Variants in CEP85L observed in about 807,000 individuals in gnomAD.
CEP85L encodes centrosomal protein 85L, also known as centrosomal protein of 85 kDa-like.
Under a neutral mutation model 100.3 loss-of-function variants are expected in CEP85L, and 60 were observed. The ratio of observed to expected loss-of-function variants is 0.60; its 90% CI spans 0.49 to 0.74. CEP85L has a LOEUF of 0.74. Ranked by LOEUF, CEP85L falls within the 30% of genes least tolerant of loss-of-function variation. The pLI is 0.00. For synonymous variants in CEP85L, 319 were observed against 322.7 expected (o/e 0.99, Z 0.12); for missense variants, 973 against 936.2 (o/e 1.04, Z -0.51).
At chr6:118,526,101 T>G (rs1245886152) in intron 3 of CEP85L, among the ~76,000 whole-genome samples, 1 of 152,170 alleles carries the variant, frequency 6.6e-6, no homozygotes, top group African/African-American at 2.4e-5. Flanking sequence ...GGGAAGATAT[T>G]TCAAAAGTGA....
At chr6:118,702,947 G>C (rs1230599946) in intron 1 of CEP85L, among the ~76,000 whole-genome samples, 1 of 143,820 alleles carries the variant, frequency 7.0e-6, no homozygotes, top group Non-Finnish European at 1.5e-5. Context: ...AGTGAGCCGA[G>C]ATGGCTCCAT....
intron 6 of CEP85L, among the ~76,000 whole-genome samples, chr6:118,484,651 A>G (rs1774042203): frequency 6.6e-6 from 1 of 152,256 alleles, no homozygotes; most frequent in African/African-American, 2.4e-5. Flanking sequence ...CTTTGAAATC[A>G]GTGAAGTATT....
intron 1 of CEP85L, among the ~76,000 whole-genome samples, chr6:118,692,006 T>A (rs1200081152): frequency 2.6e-5 from 4 of 152,118 alleles, no homozygotes; most frequent in Non-Finnish European, 5.9e-5. Flanking sequence ...TCCATGAAGC[T>A]TGTCGTTATT....
chr6:118,504,224 A>G lies in CEP85L; in HGVS notation c.1257+7074T>C, dbSNP rs986941858. On this transcript the variant is annotated intron_variant, in intron 5 of 12. Transcript: ENST00000368491. ...CCCTGTCTCTCACTAAAAATACAAA[A>G]ATTAGCTGGGTGTGGTGGTTTATGC... Among the ~76,000 whole-genome samples, 8 of 152,122 alleles carry G rather than the reference A, an allele frequency of 5.3e-5. No individual in the cohort carries two copies. In the East Asian group the frequency reaches 1.5e-3, roughly 29 times the overall value.
intron 3 of CEP85L, among the ~76,000 whole-genome samples, chr6:118,526,767 C>T (rs912254003): frequency 6.6e-6 from 1 of 152,166 alleles, no homozygotes; most frequent in African/African-American, 2.4e-5. Flanking sequence ...AAGTAAACTC[C>T]CACCAGTGCC....
At chr6:118,554,182 G>A (rs995855732) in intron 3 of CEP85L, among the ~76,000 whole-genome samples, 1 of 152,126 alleles carries the variant, frequency 6.6e-6, no homozygotes, top group Non-Finnish European at 1.5e-5. Context: ...CAGCTACTCA[G>A]GAGGCTGAGG....
chr6:118,707,188 T>G (rs1043467190), intron 1 of CEP85L, among the ~76,000 whole-genome samples: 3 of 111,760 alleles, frequency 2.7e-5, no homozygotes, highest in African/African-American at 1.0e-4. Context: ...CCTCCTCATC[T>G]GCTTTTTTTT....
At chr6:118,585,331 T>C (rs902322999) in intron 2 of CEP85L, among the ~76,000 whole-genome samples, 3 of 152,190 alleles carry the variant, frequency 2.0e-5, no homozygotes, top group Non-Finnish European at 4.4e-5. Flanking sequence ...CTCCAGGAAA[T>C]TAACAGGTTA....
rs1274503686 is a variant in CEP85L, at chr6:118,463,920, G to A, written c.*1485C>T. The A allele has an allele frequency of 6.6e-6, 1 of 152,102 alleles. No homozygotes were observed. The allele number at this position is 152,102 out of a possible 1,614,324, so 9.4% of individuals were successfully genotyped here. Reference sequence around the variant, plus strand: ...TTTAAGAAAAATCTTTCCTAGGAGAGCCTTTATTCTAGTATATAAGAAAAC... The same window carrying A: ...TTTAAGAAAAATCTTTCCTAGGAGAACCTTTATTCTAGTATATAAGAAAAC... On this transcript the variant is annotated 3_prime_UTR_variant, in exon 13 of 13. Transcript: ENST00000368491.
chr6:118,673,690 A>G (rs1400434807), intron 1 of CEP85L, among the ~76,000 whole-genome samples: 2 of 152,352 alleles, frequency 1.3e-5, no homozygotes, highest in South Asian at 4.1e-4. Context: ...GACTGTATCT[A>G]ATATTTCAAC....
chr6:118,640,391 T>G (rs1774784777), intron 1 of CEP85L, among the ~76,000 whole-genome samples: 1 of 152,214 alleles, frequency 6.6e-6, no homozygotes, highest in Non-Finnish European at 1.5e-5. Context: ...TTCTACCTCT[T>G]ATTAGCAGTA....
At position 118,625,377 on chromosome 6, in the gene CEP85L, C is replaced by G. The variant is rs9489478; in HGVS notation, c.232+7076G>C. 2.0e-5 allele frequency among the ~76,000 whole-genome samples: 3 copies of G among 151,794 alleles called. No homozygotes were observed. In the East Asian group the frequency reaches 5.8e-4, roughly 29 times the overall value. On this transcript the variant is annotated intron_variant, in intron 2 of 12. Coordinates refer to ENST00000368491, the MANE Select transcript of CEP85L (RefSeq NM_001042475.3). ...TCCTTATACCCCAGTCCCGCCACGC[C>G]CGAGCGCCTATTCTCCCTTTTATGG...
intron 10 of CEP85L, among the ~76,000 whole-genome samples, chr6:118,476,359 GA>G (rs1056396628): frequency 1.1e-4 from 17 of 151,362 alleles, no homozygotes; most frequent in African/African-American, 3.6e-4. Context: ...ATTAACTTCT[GA>G]TAAGAATACT....
intron 1 of CEP85L, among the ~76,000 whole-genome samples, chr6:118,638,525 G>A (rs1036973857): frequency 6.7e-6 from 1 of 149,774 alleles, no homozygotes; most frequent in African/African-American, 2.5e-5. Flanking sequence ...TCACAGAATA[G>A]TTACAAGACT....
chr6:118,545,774 A>G (rs1016684682), intron 3 of CEP85L, among the ~76,000 whole-genome samples: 1 of 152,224 alleles, frequency 6.6e-6, no homozygotes, highest in Non-Finnish European at 1.5e-5. Context: ...TTTACCCTTA[A>G]GAATCCACCT....
At chr6:118,651,605 C>T, upstream of CEP85L, 2 of 1,034,626 alleles carry the variant, frequency 1.9e-6, no homozygotes, top group East Asian at 7.8e-5. Context: ...CCCCCTCCGC[C>T]GGCAGAGCCA....
At position 118,579,866 on chromosome 6, in the gene CEP85L, C is replaced by A. The variant is rs139883295; in HGVS notation, c.233-13550G>T. 6.6e-4 allele frequency among the ~76,000 whole-genome samples: 100 copies of A among 152,330 alleles called. 1 individual carries two copies. In the South Asian group the frequency reaches 9.9e-3, roughly 15 times the overall value. On this transcript the variant is annotated intron_variant, in intron 2 of 12. Transcript: ENST00000368491. The stretch of plus-strand genomic sequence containing the variant: ...CCAGCAAGCTTTGATATGCAAATGC[C>A]AGCCATTAGAAACTGGGTCCACTCA...
chr6:118,577,479 G>C (rs940100683), intron 2 of CEP85L, among the ~76,000 whole-genome samples: 1 of 152,146 alleles, frequency 6.6e-6, no homozygotes, highest in African/African-American at 2.4e-5. Flanking sequence ...TGAATTTAAA[G>C]CCCAAAATCA....
At chr6:118,495,793 G>A (rs1774880454) in intron 5 of CEP85L, among the ~76,000 whole-genome samples, 1 of 152,150 alleles carries the variant, frequency 6.6e-6, no homozygotes, top group Non-Finnish European at 1.5e-5. Context: ...ACAACAAAAT[G>A]AACTGATGAA....
Sources: gnomAD v4.1 joint callset for allele counts (sites outside exome capture counted in the v4.1 genomes callset) on GRCh38, gnomAD v4.1.1 for gene constraint, MANE v1.5 for transcripts, NCBI Gene and HGNC (gene_info 2026-07-23, HGNC 2026-07-21) for gene names.